Variants in MORC2 observed in about 807,000 individuals in gnomAD.
MORC2 encodes the protein MORC family CW-type zinc finger 2, also known as ATPase MORC2.
Under a neutral mutation model 136.0 loss-of-function variants are expected in MORC2, and 30 were observed. That is an observed-to-expected ratio of 0.22 (90% CI 0.17 to 0.30). The LOEUF is 0.30. Ranked by LOEUF, MORC2 falls within the 10% of genes least tolerant of loss-of-function variation. The pLI is 1.00. For synonymous variants in MORC2, 439 were observed against 487.0 expected (o/e 0.90, Z 1.30); for missense variants, 922 against 1,333.1 (o/e 0.69, Z 4.80).
At chr22:30,942,583 G>A (rs985341205) in intron 6 of MORC2, among the ~76,000 whole-genome samples, 2 of 151,986 alleles carry the variant, frequency 1.3e-5, no homozygotes, top group African/African-American at 4.8e-5. Flanking sequence ...TTACCACTAG[G>A]GAAAATATAT....
chr22:30,933,925 G>A (rs531186676), intron 20 of MORC2, 135 bp downstream of exon 20: 11 of 957,830 alleles, frequency 1.1e-5, no homozygotes, highest in South Asian at 4.9e-5. Context: ...GACTGCTGGT[G>A]GGGGGGGTAG....
At chr22:30,966,724 G>T (rs1377516197) in intron 1 of MORC2, among the ~76,000 whole-genome samples, 2 of 152,126 alleles carry the variant, frequency 1.3e-5, no homozygotes, top group Non-Finnish European at 2.9e-5. Context: ...GTTGCAGTGA[G>T]CCAAGATTGC....
In MORC2 at chr22:30,941,306, T is replaced by TA. The variant is rs1459171238; in HGVS notation, c.824+126dup. On this transcript the variant is annotated intron_variant, in intron 9 of 25. Coordinates refer to ENST00000397641, the MANE Select transcript of MORC2 (RefSeq NM_001303256.3). The surrounding 1 kb of genome is among the most constrained non-coding windows in gnomAD (Gnocchi z 4.6). ...ACCCTGTGACCAATCACAGGCAACTTAAAGTCCCAAACGTAGTCAGCACTG... is the reference window on the plus strand; with the variant it reads ...ACCCTGTGACCAATCACAGGCAACTTAAAAGTCCCAAACGTAGTCAGCACTG... The TA allele has an allele frequency of 2.1e-5, 28 of 1,362,298 alleles. No individual in the cohort carries two copies. Among genetic ancestry groups the TA allele is most frequent in the South Asian group, 1.8e-4 (12 of 68,288 alleles). The allele number at this position is 1,362,298 out of a possible 1,614,324, so 84.4% of individuals were successfully genotyped here. A position where few individuals can be genotyped will look rare whatever the true frequency, so the allele number is the denominator to read the frequency against.
chr22:30,941,349 G>A lies in MORC2; in HGVS notation c.824+84C>T. 5 of 1,556,034 alleles carry A rather than the reference G, an allele frequency of 3.2e-6. No homozygotes were observed. Among genetic ancestry groups the A allele is most frequent in the East Asian group, 4.5e-5 (2 of 43,982 alleles). ...CAGCACTGCCAGAGCCTCTTATACA[G>A]CATCCCTCTAACAATGCCCCAGAGA... On this transcript the variant is annotated intron_variant, in intron 9 of 25. Coordinates refer to ENST00000397641, the MANE Select transcript of MORC2 (RefSeq NM_001303256.3). The surrounding 1 kb of genome is among the most constrained non-coding windows in gnomAD (Gnocchi z 4.6).
chr22:30,940,267 A>C (rs1306643071), intron 10 of MORC2, among the ~76,000 whole-genome samples: 1 of 151,852 alleles, frequency 6.6e-6, no homozygotes, highest in Non-Finnish European at 1.5e-5. Flanking sequence ...CCCCAAGGAA[A>C]CTTTACAAAT....
intron 21 of MORC2, 127 bp from the exon 22 acceptor site, chr22:30,933,157 A>G (rs775481498): frequency 4.5e-6 from 6 of 1,329,894 alleles, no homozygotes; most frequent in Non-Finnish European, 6.2e-6. Context: ...TGCCCCCACT[A>G]CACCAGGGAC....
chr22:30,949,871 A>C (rs1245819977), intron 4 of MORC2, 29 bp from the exon 5 acceptor site: 1 of 1,607,510 alleles, frequency 6.2e-7, no homozygotes, highest in East Asian at 2.2e-5. Context: ...GAGAAAGTGA[A>C]AAGTTTGCAT....
At chr22:30,961,897 C>T (rs2041051667) in intron 1 of MORC2, among the ~76,000 whole-genome samples, 1 of 152,106 alleles carries the variant, frequency 6.6e-6, no homozygotes, top group African/African-American at 2.4e-5. Context: ...GCACCTGCCA[C>T]ACAGTGCTTA....
chr22:30,946,224 A>C, intron 6 of MORC2, 117 bp downstream of exon 6: 1 of 680,686 alleles, frequency 1.5e-6, no homozygotes, highest in South Asian at 2.3e-5. Context: ...AATTAGGGGG[A>C]ATGTGCTCCA....
At chr22:30,955,295 T>C (rs1279655479) in intron 3 of MORC2, among the ~76,000 whole-genome samples, 2 of 152,124 alleles carry the variant, frequency 1.3e-5, no homozygotes, top group Non-Finnish European at 2.9e-5. Context: ...CTAACATTCT[T>C]TTCCTGTGTG....
At chr22:30,967,355 GA>G (rs1475277031) in intron 1 of MORC2, 1 of 987,060 alleles carries the variant, frequency 1.0e-6, no homozygotes, top group African/African-American at 1.7e-5. Context: ...GCCAACTTCT[GA>G]AAAAATAAAA....
intron 24 of MORC2, among the ~76,000 whole-genome samples, chr22:30,930,471 A>C (rs1212736266): frequency 1.3e-5 from 2 of 152,212 alleles, no homozygotes; most frequent in Non-Finnish European, 1.5e-5. Flanking sequence ...CTGGCAGAGC[A>C]AGGCAGCATC....
chr22:30,946,024 T>C (rs1414569576), intron 6 of MORC2, among the ~76,000 whole-genome samples: 1 of 151,728 alleles, frequency 6.6e-6, no homozygotes, highest in East Asian at 1.9e-4. Context: ...ATGGTAACAC[T>C]CCCCCCAAAA....
At chr22:30,963,838 T>C (rs916313237) in intron 1 of MORC2, among the ~76,000 whole-genome samples, 2 of 152,198 alleles carry the variant, frequency 1.3e-5, no homozygotes, top group African/African-American at 2.4e-5. Context: ...AGATCATCCA[T>C]AGGCCCATCA....
Position 30,932,793 on chromosome 22 carries a change from T to G in MORC2, c.2523-24A>C, listed in dbSNP as rs768646218. On this transcript the variant is annotated intron_variant, in intron 22 of 25. Transcript: ENST00000397641. The surrounding 1 kb of genome is among the most constrained non-coding windows in gnomAD (Gnocchi z 4.4). ...CCCTGTGGAAGACACACAGCTTATG[T>G]CATGTCTGACCCGGGCTCCCAGGAT... The G allele has an allele frequency of 1.6e-5, 26 of 1,613,550 alleles. No homozygotes were observed. In the South Asian group the frequency reaches 2.9e-4, roughly 18 times the overall value.
intron 12 of MORC2, 35 bp downstream of exon 12, chr22:30,939,586 A>G: frequency 1.9e-6 from 3 of 1,603,590 alleles, no homozygotes; most frequent in Non-Finnish European, 1.7e-6. Context: ...AAGCTACGTC[A>G]GTTTAAAAGA....
Position 30,954,751 on chromosome 22 carries a change from A to C in MORC2, c.157+2012T>G, listed in dbSNP as rs2040940858. On this transcript the variant is annotated intron_variant, in intron 3 of 25. Transcript: ENST00000397641. The stretch of plus-strand genomic sequence containing the variant: ...CAGCAGAGATGATCTTTTTTAAAAA[A>C]CGTCTTCCAAGTAGACTTGACCATT... 3.9e-5 allele frequency among the ~76,000 whole-genome samples: 6 copies of C among 152,170 alleles called. No individual in the cohort carries two copies. In the South Asian group the frequency reaches 1.2e-3, roughly 32 times the overall value.
chr22:30,927,731 TG>T (rs2040509752), intron 25 of MORC2, among the ~76,000 whole-genome samples: 1 of 152,242 alleles, frequency 6.6e-6, no homozygotes, highest in African/African-American at 2.4e-5. Flanking sequence ...CAATCCCATC[TG>T]GGCGTCATGT....
At chr22:30,933,562 C>T (rs375749675) in intron 20 of MORC2, 42 bp from the exon 21 acceptor site, 4 of 1,606,874 alleles carry the variant, frequency 2.5e-6, no homozygotes, top group East Asian at 2.2e-5. Flanking sequence ...CCAGTGCCCC[C>T]CAAGAGCAGA....
Sources: gnomAD v4.1 joint callset for allele counts (sites outside exome capture counted in the v4.1 genomes callset) on GRCh38, gnomAD v4.1.1 for gene constraint, Gnocchi (gnomAD v3.1) non-coding constraint, MANE v1.5 for transcripts, NCBI Gene and HGNC (gene_info 2026-07-23, HGNC 2026-07-21) for gene names.